The following ACSL1 variants were observed in gnomAD, a reference collection of about 807,000 sequenced individuals.
The protein encoded by ACSL1 is acyl-CoA synthetase long chain family member 1.
Under a neutral mutation model 98.4 loss-of-function variants are expected in ACSL1, and 41 were observed. That is an observed-to-expected ratio of 0.42 (90% CI 0.32 to 0.54). The LOEUF is 0.54. Ranked by LOEUF, ACSL1 falls within the 20% of genes least tolerant of loss-of-function variation. The pLI, the probability that ACSL1 is intolerant of heterozygous loss-of-function variation, is 0.13. For synonymous variants in ACSL1, 316 were observed against 322.7 expected, an observed-to-expected ratio of 0.98 and a Z score of 0.22; for missense variants, 734 against 883.1, an observed-to-expected ratio of 0.83 and a Z score of 2.14.
chr4:184,770,280 G>A (rs970470234), intron 11 of ACSL1, 119 bp downstream of exon 11: 3 of 1,547,588 alleles, frequency 1.9e-6, no homozygotes, highest in Non-Finnish European at 2.6e-6. Flanking sequence ...ATAAATGTGA[G>A]CAAGTGGTAA....
chr4:184,811,364 G>C (rs999869372), intron 1 of ACSL1, among the ~76,000 whole-genome samples: 1 of 152,084 alleles, frequency 6.6e-6, no homozygotes, highest in East Asian at 1.9e-4. Context: ...TGCCCGCCTT[G>C]GCCTCCCAAA....
At chr4:184,795,074 C>A (rs553570913) in intron 2 of ACSL1, among the ~76,000 whole-genome samples, 156 of 152,312 alleles carry the variant, frequency 1.0e-3, no homozygotes, top group Non-Finnish European at 2.0e-3. Context: ...CAAATTCCTA[C>A]AAATACACAT....
At chr4:184,758,921 C>T (rs954251222) in intron 18 of ACSL1, 1 of 129,912 alleles carries the variant, frequency 7.7e-6, no homozygotes, top group Non-Finnish European at 1.6e-5. Flanking sequence ...CACAACAGGC[C>T]CTCGTGTGTG....
rs1461856063 is a variant in ACSL1 at position 184,757,542 on chromosome 4, G to A, written c.1956+93C>T. On this transcript the variant is annotated intron_variant, in intron 20 of 20. Coordinates refer to ENST00000281455, the MANE Select transcript of ACSL1 (RefSeq NM_001995.5). This position sits in a 1 kb window ranked among gnomAD's most constrained non-coding sequence, Gnocchi z 4.5. ...TATTTATTCCTCATGTATGTCTTTA[G>A]GTCACCCCATATGTTTATATAATCT... 5 of 1,209,534 alleles carry A rather than the reference G, an allele frequency of 4.1e-6. No individual in the cohort carries two copies. In the East Asian group the frequency reaches 9.3e-5, roughly 23 times the overall value. The allele number at this position is 1,209,534 out of a possible 1,614,324, so 74.9% of individuals were successfully genotyped here.
intron 1 of ACSL1, among the ~76,000 whole-genome samples, chr4:184,822,599 C>T (rs1156670833): frequency 1.3e-5 from 2 of 151,984 alleles, no homozygotes; most frequent in Non-Finnish European, 2.9e-5. Context: ...ATTAGCTGGG[C>T]ATAGTGATGT....
chr4:184,798,508 T>A (rs1769853780), intron 2 of ACSL1: 2 of 189,236 alleles, frequency 1.1e-5, no homozygotes. Context: ...TCCATCCCGC[T>A]GGCTTAGAAG....
intron 5 of ACSL1, among the ~76,000 whole-genome samples, chr4:184,778,022 A>G (rs375980242): frequency 4.4e-5 from 4 of 90,540 alleles, no homozygotes; most frequent in African/African-American, 1.7e-4. Flanking sequence ...TCTAGCAGCA[A>G]AACTGTTTTG....
intron 1 of ACSL1, chr4:184,808,543 C>G (rs1771715584): frequency 1.0e-6 from 1 of 975,656 alleles, no homozygotes; most frequent in East Asian, 1.1e-4. Flanking sequence ...CCATTCCGTG[C>G]CCCGCCTCCT....
At chr4:184,807,181 T>C (rs1771541696) in intron 1 of ACSL1, among the ~76,000 whole-genome samples, 2 of 152,226 alleles carry the variant, frequency 1.3e-5, no homozygotes, top group Admixed American at 6.5e-5. Context: ...TGCTAACAAA[T>C]GGTAAAACTC....
rs759186716 is a variant in ACSL1 at position 184,773,408 on chromosome 4, G to A, written c.842-254C>T. On this transcript the variant is annotated intron_variant, in intron 9 of 20. Coordinates refer to ENST00000281455, the MANE Select transcript of ACSL1 (RefSeq NM_001995.5). This position sits in a 1 kb window ranked among gnomAD's most constrained non-coding sequence, Gnocchi z 4.3. ...AAGAAAAACCAGAAATTTTCTTCCT[G>A]GGAGCCACCGATATAGTCTGTCCTA... 1.5e-4 allele frequency among the ~76,000 whole-genome samples: 23 copies of A among 152,140 alleles called. No homozygotes were observed. The highest frequency in any genetic ancestry group is 2.6e-4 in the Non-Finnish European group (18 of 68,028).
At position 184,808,808 on chromosome 4, in the gene ACSL1, G is replaced by A. The variant is rs536764027; in HGVS notation, c.-32-5262C>T. On this transcript the variant is annotated intron_variant, in intron 1 of 20. Transcript: ENST00000281455. Reference sequence around the variant, plus strand: ...TCAGGCTCTCCCTAGAGAGAGGGAGGTACGGCAGCTCAAAAGAGATGCCAG... The same window carrying A: ...TCAGGCTCTCCCTAGAGAGAGGGAGATACGGCAGCTCAAAAGAGATGCCAG... 2.2e-4 allele frequency among the ~76,000 whole-genome samples: 34 copies of A among 152,302 alleles called. No homozygotes were observed. The South Asian group carries it at 2.3e-3, about 10-fold the overall frequency.
chr4:184,795,792 G>A (rs1769258232), intron 2 of ACSL1, among the ~76,000 whole-genome samples: 2 of 152,186 alleles, frequency 1.3e-5, no homozygotes, highest in South Asian at 4.1e-4. Flanking sequence ...ATGTAATTTA[G>A]CAAGGTTTTT....
intron 2 of ACSL1, among the ~76,000 whole-genome samples, chr4:184,801,622 A>T (rs1361546269): frequency 6.6e-6 from 1 of 152,156 alleles, no homozygotes; most frequent in African/African-American, 2.4e-5. Context: ...TAAACTTTTA[A>T]CTTCTTTTTT....
chr4:184,818,831 A>G (rs1772832473), intron 1 of ACSL1, among the ~76,000 whole-genome samples: 1 of 152,196 alleles, frequency 6.6e-6, no homozygotes, highest in Non-Finnish European at 1.5e-5. Context: ...CCAACCAGCC[A>G]GAAAAGACAC....
In ACSL1 at chr4:184,768,486, C is replaced by T. The variant is rs746539501; in HGVS notation, c.994-36G>A. 13 of 1,595,556 alleles carry T rather than the reference C, an allele frequency of 8.1e-6. No individual in the cohort carries two copies. In the African/African-American group the frequency reaches 1.8e-4, roughly 22 times the overall value. ...AATGGAAAAAACAAACATTTTATCA[C>T]CACAGCAGGGGTTACACAACATATG... On this transcript the variant is annotated intron_variant, in intron 11 of 20. Transcript: ENST00000281455.
intron 6 of ACSL1, 33 bp downstream of exon 6, chr4:184,776,851 T>C (rs755053256): frequency 1.2e-6 from 2 of 1,604,620 alleles, no homozygotes; most frequent in Admixed American, 3.3e-5. Flanking sequence ...CCAATAACTA[T>C]GCCAATAATC....
At chr4:184,819,188 G>A (rs1481122834) in intron 1 of ACSL1, among the ~76,000 whole-genome samples, 1 of 150,376 alleles carries the variant, frequency 6.6e-6, no homozygotes, top group African/African-American at 2.5e-5. Flanking sequence ...TATACCCCAG[G>A]CTGGAGTGCA....
intron 18 of ACSL1, among the ~76,000 whole-genome samples, chr4:184,759,210 C>A (rs933924913): frequency 2.0e-5 from 3 of 152,060 alleles, no homozygotes; most frequent in African/African-American, 7.2e-5. Context: ...AATAAACATA[C>A]GTGTGCATGT....
rs1294841357 is a variant in ACSL1, at chr4:184,770,392, T to C, written c.993+7A>G. The C allele has an allele frequency of 1.9e-6, 3 of 1,613,180 alleles. No individual in the cohort carries two copies. Among genetic ancestry groups the C allele is most frequent in the Non-Finnish European group, 2.5e-6 (3 of 1,179,582 alleles). ...AACAAGCAAGGAAAACAAAATTAAA[T>C]GCCTACCTCTACAACTCTCTCAAAC... On this transcript the variant is annotated splice_region_variant and intron_variant, in intron 11 of 20. Coordinates refer to ENST00000281455, the MANE Select transcript of ACSL1 (RefSeq NM_001995.5).
Sources: allele counts gnomAD v4.1 joint callset (sites outside exome capture counted in the v4.1 genomes callset), GRCh38; gene constraint gnomAD v4.1.1; non-coding constraint Gnocchi (gnomAD v3.1); transcripts MANE v1.5; gene names NCBI Gene and HGNC (gene_info 2026-07-23, HGNC 2026-07-21).